Variants in PECR observed in about 807,000 individuals in gnomAD.
PECR encodes 2,4-dienoyl-CoA reductase-related protein.
PECR carries 30 observed loss-of-function variants against 35.3 expected under a neutral mutation model. The observed-to-expected ratio is 0.85, with a 90% CI of 0.64 to 1.15. The LOEUF is 1.15. PECR is among the 50% of genes most tolerant of loss of function. PECR has a pLI of 0.00. For synonymous variants in PECR, 148 were observed against 138.9 expected, an observed-to-expected ratio of 1.07 and a Z score of -0.46; for missense variants, 392 against 370.8, an observed-to-expected ratio of 1.06 and a Z score of -0.47.
chr2:216,072,222 AG>A (rs1695604200), intron 1 of PECR, among the ~76,000 whole-genome samples: 2 of 152,182 alleles, frequency 1.3e-5, no homozygotes, highest in African/African-American at 4.8e-5. Flanking sequence ...CCTGGGAGGT[AG>A]GGACCCTGTA....
rs149624371 is a variant in PECR, at chr2:216,073,766, G to A, written c.125-7248C>T. Among the ~76,000 whole-genome samples, 553 of 152,078 alleles carry A rather than the reference G, an allele frequency of 3.6e-3. 1 individual carries two copies. Among genetic ancestry groups the A allele is most frequent in the Non-Finnish European group, 6.5e-3 (439 of 68,020 alleles). ...GCAGCCTTCAGCATAGTAACCTCCC[G>A]TACAGGTTTGGAGCCTAGAAGCAAT... On this transcript the variant is annotated intron_variant, in intron 1 of 7. Transcript: ENST00000265322.
At chr2:216,058,097 G>A (rs1247557875) in intron 4 of PECR, 2 of 152,188 alleles carry the variant, frequency 1.3e-5, no homozygotes, top group Non-Finnish European at 2.9e-5. Context: ...CCTTTCCGCA[G>A]TGGCTCTGCA....
At position 216,066,418 on chromosome 2, in the gene PECR, A is replaced by T. The variant is rs150228871; in HGVS notation, c.225T>A (p.Ile75=). 165 of 1,613,516 alleles carry T rather than the reference A, an allele frequency of 1.0e-4. No homozygotes were observed. In the African/African-American group the frequency reaches 1.9e-3, roughly 19 times the overall value. ...NLPPTKQARV[I]PIQCNIRNEE... is the part of the protein sequence containing the mutation. ...CATTCCGGATGTTGCATTGTATGGG[A>T]ATGACTCGTGCCTGCTTTGTGGGAG... The change falls in exon 2 of 8, where the codon ATT becomes ATA. Residue 75 remains isoleucine, a synonymous_variant. Transcript: ENST00000265322.
At position 216,039,335 on chromosome 2, in the gene PECR, T is replaced by C. The variant is rs772002378; in HGVS notation, c.852A>G (p.Ala284=). 5 of 1,607,580 alleles carry C rather than the reference T, an allele frequency of 3.1e-6. No individual in the cohort carries two copies. Among genetic ancestry groups the C allele is most frequent in the Non-Finnish European group, 4.3e-6 (5 of 1,174,040 alleles). The stretch of plus-strand genomic sequence containing the variant: ...TCTTTTTGACAACAGAAAGGTCCCC[T>C]GCTCCCTTGGGCCAGTTGTCATGAT... The part of the protein sequence containing the change: ...VPDHDNWPKG[A]GDLSVVKKMK... The change falls in exon 8 of 8, where the codon GCA becomes GCG. Residue 284 remains alanine, a synonymous_variant. Transcript: ENST00000265322.
At position 216,058,880 on chromosome 2, in the gene PECR, T is replaced by C. The variant is rs777683775; in HGVS notation, c.506+15A>G. 2.8e-5 allele frequency: 41 copies of C among 1,467,724 alleles called. No homozygotes were observed. Among genetic ancestry groups the C allele is most frequent in the Non-Finnish European group, 3.7e-5 (39 of 1,047,586 alleles). The allele number at this position is 1,467,724 out of a possible 1,614,324, so 90.9% of individuals were successfully genotyped here. On this transcript the variant is annotated intron_variant, in intron 4 of 7. Transcript: ENST00000265322. ...ACTCAAAGACTTAGAAAGAAAACTATATAAAAACGCTTACACAGCTAATGG... is the reference window on the plus strand; with the variant it reads ...ACTCAAAGACTTAGAAAGAAAACTACATAAAAACGCTTACACAGCTAATGG...
intron 7 of PECR, among the ~76,000 whole-genome samples, chr2:216,030,994 A>ACT (rs1313160136): frequency 6.8e-6 from 1 of 146,476 alleles, no homozygotes; most frequent in Non-Finnish European, 1.5e-5. Flanking sequence ...ACACACACAC[A>ACT]CTCTGTCCCT....
In PECR at chr2:216,042,314, A is replaced by G. The variant is rs548403100; in HGVS notation, c.826+1590T>C. On this transcript the variant is annotated intron_variant, in intron 7 of 7. Coordinates refer to ENST00000265322, the MANE Select transcript of PECR (RefSeq NM_018441.6). ...AATGGTTGTTGTGTTGTGAGAGCAGAGGAAAACCAGTTTGAGTTTTTGCTC... is the reference window on the plus strand; with the variant it reads ...AATGGTTGTTGTGTTGTGAGAGCAGGGGAAAACCAGTTTGAGTTTTTGCTC... Among the ~76,000 whole-genome samples, 3 of 152,344 alleles carry G rather than the reference A, an allele frequency of 2.0e-5. 1 individual carries two copies. Among genetic ancestry groups the G allele is most frequent in the African/African-American group, 7.2e-5 (3 of 41,582 alleles).
chr2:216,039,506 C>A, intron 7 of PECR, 146 bp from the exon 8 acceptor site: 3 of 664,910 alleles, frequency 4.5e-6, no homozygotes, highest in Non-Finnish European at 8.3e-6. Flanking sequence ...TGAGAAAAGA[C>A]TTCAATTTGA....
intron 5 of PECR, among the ~76,000 whole-genome samples, chr2:216,050,568 T>C (rs934195002): frequency 6.6e-6 from 1 of 152,174 alleles, no homozygotes; most frequent in Admixed American, 6.5e-5. Context: ...ATAGTCTTCA[T>C]TGAGTGGCAC....
intron 3 of PECR, among the ~76,000 whole-genome samples, chr2:216,059,553 G>A (rs748289244): frequency 6.6e-6 from 1 of 152,162 alleles, no homozygotes; most frequent in Non-Finnish European, 1.5e-5. Flanking sequence ...TCTTTGTGTG[G>A]TCATATGTTA....
chr2:216,080,671 A>G (rs1418771241), intron 1 of PECR, among the ~76,000 whole-genome samples: 2 of 152,146 alleles, frequency 1.3e-5, no homozygotes, highest in Non-Finnish European at 1.5e-5. Flanking sequence ...TTTTCCCAAC[A>G]TTTCAAAATT....
intron 5 of PECR, among the ~76,000 whole-genome samples, chr2:216,049,965 C>T (rs1358440449): frequency 6.6e-6 from 1 of 152,130 alleles, no homozygotes; most frequent in East Asian, 1.9e-4. Flanking sequence ...TGCCTGTAAT[C>T]CCAGCACTTT....
At chr2:216,046,346 T>G (rs1275223648) in intron 6 of PECR, among the ~76,000 whole-genome samples, 1 of 138,396 alleles carries the variant, frequency 7.2e-6, no homozygotes, top group African/African-American at 2.7e-5. Context: ...GGCGTCTCAC[T>G]GTCACCCAGG....
intron 1 of PECR, among the ~76,000 whole-genome samples, chr2:216,070,707 C>T (rs1695572374): frequency 6.6e-6 from 1 of 152,208 alleles, no homozygotes; most frequent in African/African-American, 2.4e-5. Context: ...CCTTGAGCTC[C>T]TACGGCCTTT....
intron 1 of PECR, among the ~76,000 whole-genome samples, chr2:216,077,548 C>T (rs1695735982): frequency 6.6e-6 from 1 of 151,778 alleles, no homozygotes; most frequent in African/African-American, 2.4e-5. Context: ...TGGCTCACGC[C>T]TGTAATCCCA....
At chr2:216,066,598 G>T (rs1253328724) in intron 1 of PECR, 80 bp from the exon 2 acceptor site, 2 of 1,293,746 alleles carry the variant, frequency 1.5e-6, no homozygotes, top group Non-Finnish European at 1.1e-6. Context: ...AAAGTAAACC[G>T]CCAGGGAACA....
At chr2:216,079,566 C>G (rs1398246169) in intron 1 of PECR, among the ~76,000 whole-genome samples, 2 of 151,642 alleles carry the variant, frequency 1.3e-5, no homozygotes, top group Non-Finnish European at 2.9e-5. Flanking sequence ...CGAGGTTTCA[C>G]CATGTTTTCC....
chr2:216,042,630 T>G (rs1378706932), intron 7 of PECR, among the ~76,000 whole-genome samples: 3 of 152,204 alleles, frequency 2.0e-5, no homozygotes, highest in African/African-American at 7.2e-5. Context: ...TTTATAAAAC[T>G]AGGATACTGG....
intron 3 of PECR, among the ~76,000 whole-genome samples, chr2:216,061,522 A>C (rs1212116443): frequency 6.6e-6 from 1 of 152,122 alleles, no homozygotes; most frequent in Non-Finnish European, 1.5e-5. Context: ...TAGTAAAATC[A>C]CCTTAACAAC....
Sources: allele counts gnomAD v4.1 joint callset (sites outside exome capture counted in the v4.1 genomes callset), GRCh38; gene constraint gnomAD v4.1.1; transcripts MANE v1.5; gene names NCBI Gene and HGNC (gene_info 2026-07-23, HGNC 2026-07-21).